Variants in KIF15 observed in about 807,000 individuals in gnomAD.
KIF15 encodes kinesin-like protein KIF15.
In KIF15, 140 loss-of-function variants were observed where a neutral mutation model predicts 190.6. That is an observed-to-expected ratio of 0.73 (90% CI 0.64 to 0.84). The LOEUF (loss-of-function observed/expected upper bound fraction) is 0.84, where lower values mean the gene tolerates loss of function less well. Among genes scored for constraint, KIF15 ranks in the 40% least tolerant of loss-of-function variants. The pLI, the probability that KIF15 is intolerant of heterozygous loss-of-function variation, is 0.00. For missense variants in KIF15, 1,372 were observed against 1,584.4 expected (o/e 0.87, Z 2.28); for synonymous variants, 528 against 551.3 (o/e 0.96, Z 0.59).
intron 8 of KIF15, among the ~76,000 whole-genome samples, chr3:44,794,743 C>T (rs1184989830): frequency 4.6e-5 from 7 of 152,144 alleles, no homozygotes; most frequent in African/African-American, 1.4e-4. Context: ...AGGTAGATCA[C>T]GAGGTCAGGA....
At position 44,815,074 on chromosome 3, in the gene KIF15, C is replaced by A; in HGVS notation, c.2547C>A (p.Leu849=). 1 of 1,576,622 alleles carries A rather than the reference C, an allele frequency of 6.3e-7. No homozygotes were observed. The highest frequency in any genetic ancestry group is 1.2e-5 in the South Asian group (1 of 84,274). Residue 849 remains leucine, a splice_region_variant and synonymous_variant, in exon 20 of 35, where the codon CTC becomes CTA. Transcript: ENST00000326047. ...HMHVQLQLDN[L]RLENEKLLES... The stretch of plus-strand genomic sequence containing the variant: ...ATGTACAGCTTCAATTAGATAATCT[C>A]AGGTAGAGTTGTTCTTTTATGGTTT...
chr3:44,805,065 T>G lies in KIF15; in HGVS notation c.1726T>G (p.Cys576Gly), dbSNP rs1400903388. The change falls in exon 15 of 35, where the codon TGT becomes GGT. Residue 576 changes from cysteine to glycine, a missense_variant. Coordinates refer to ENST00000326047, the MANE Select transcript of KIF15 (RefSeq NM_020242.3). Reference protein sequence around the residue: ...GFSPKAQKEPCLFANTEKLKA... With the variant: ...GFSPKAQKEPGLFANTEKLKA... ...TTCACCTAAAGCTCAGAAAGAGCCA[T>G]GTTTGTTTGCAAACACTGAGAAGTT... is the stretch of plus-strand genomic sequence containing the variant. 5 of 1,613,590 alleles carry G rather than the reference T, an allele frequency of 3.1e-6. No individual in the cohort carries two copies. Among genetic ancestry groups the G allele is most frequent in the Non-Finnish European group, 1.7e-6 (2 of 1,179,890 alleles).
chr3:44,846,672 G>A (rs761366594), intron 30 of KIF15, among the ~76,000 whole-genome samples: 1 of 151,608 alleles, frequency 6.6e-6, no homozygotes, highest in Non-Finnish European at 1.5e-5. Context: ...TACTCAGGAG[G>A]CTGAGGCAGG....
chr3:44,840,961 A>C (rs1575678660), intron 28 of KIF15, 113 bp from the exon 29 acceptor site: 1 of 1,040,560 alleles, frequency 9.6e-7, no homozygotes, highest in Non-Finnish European at 1.4e-6. Context: ...GGTGTGAGCC[A>C]CCATGCCCAG....
At chr3:44,861,309 C>G (rs1699241473) in intron 6 of KIF15, among the ~76,000 whole-genome samples, 1 of 152,228 alleles carries the variant, frequency 6.6e-6, no homozygotes, top group African/African-American at 2.4e-5. Flanking sequence ...TCTAAACATA[C>G]GTAAGTATAA....
chr3:44,768,732 G>T (rs900057148), intron 1 of KIF15, among the ~76,000 whole-genome samples: 1 of 151,910 alleles, frequency 6.6e-6, no homozygotes, highest in Non-Finnish European at 1.5e-5. Context: ...CTGCTGACAG[G>T]GGGTGCTGTG....
intron 6 of KIF15, among the ~76,000 whole-genome samples, chr3:44,860,309 C>G (rs1699226276): frequency 6.6e-6 from 1 of 152,136 alleles, no homozygotes; most frequent in Admixed American, 6.5e-5. Context: ...AGTGAGACCT[C>G]TGAGCCTCAA....
intron 26 of KIF15, among the ~76,000 whole-genome samples, chr3:44,831,424 A>G (rs888217473): frequency 7.2e-5 from 11 of 152,120 alleles, no homozygotes; most frequent in Admixed American, 1.3e-4. Flanking sequence ...ATTTTCCGTC[A>G]TTTTTGCTGA....
At chr3:44,789,642 TTATATATATATATATATATA>T (rs56009369) in intron 7 of KIF15, among the ~76,000 whole-genome samples, 9,873 of 113,548 alleles carry the variant, frequency 0.087, 652 homozygotes, top group South Asian at 0.12. Context: ...TTGTCTAATT[TTATATATATATATATATATA>T]TATATATATA....
chr3:44,851,930 A>G lies in KIF15; in HGVS notation c.3950A>G (p.Glu1317Gly). 1 of 1,613,694 alleles carries G rather than the reference A, an allele frequency of 6.2e-7. No homozygotes were observed. The highest frequency in any genetic ancestry group is 2.2e-5 in the East Asian group (1 of 44,872). ...QLRSKLEEMY[E>G]ERERTSQEME... ...AGATCAAAGCTGGAAGAAATGTATG[A>G]AGAAAGAGAGAGAACATCCCAGGTG... Residue 1317 changes from glutamate to glycine, a missense_variant, in exon 33 of 35, where the codon GAA becomes GGA. Coordinates refer to ENST00000326047, the MANE Select transcript of KIF15 (RefSeq NM_020242.3).
intron 6 of KIF15, chr3:44,864,479 G>C (rs928986151): frequency 5.0e-6 from 5 of 995,344 alleles, no homozygotes; most frequent in Non-Finnish European, 5.9e-6. Context: ...TTGACCCCTG[G>C]ATGAGTGCTC....
intron 8 of KIF15, among the ~76,000 whole-genome samples, chr3:44,796,597 C>T (rs1706994638): frequency 1.3e-5 from 2 of 152,196 alleles, no homozygotes; most frequent in Non-Finnish European, 2.9e-5. Flanking sequence ...ATGATAACAG[C>T]AGTGACTCTG....
Position 44,827,537 on chromosome 3 carries a change from C to T in KIF15, c.2856+9C>T, listed in dbSNP as rs546086879. On this transcript the variant is annotated intron_variant, in intron 23 of 34. Coordinates refer to ENST00000326047, the MANE Select transcript of KIF15 (RefSeq NM_020242.3). ...CCAAGTGTGAGCAGCAGGTAAAATT[C>T]CTGTTACTCTAACTCTAGTATTTGA... The T allele has an allele frequency of 1.2e-5, 19 of 1,563,548 alleles. No homozygotes were observed. In the African/African-American group the frequency reaches 2.4e-4, roughly 20 times the overall value.
intron 32 of KIF15, among the ~76,000 whole-genome samples, chr3:44,848,983 T>A (rs1313313768): frequency 1.3e-5 from 2 of 152,212 alleles, no homozygotes; most frequent in African/African-American, 4.8e-5. Flanking sequence ...TTTAATTTAT[T>A]CATAAAGTTT....
Position 44,800,386 on chromosome 3 carries a change from C to G in KIF15, c.1171C>G (p.Leu391Val). ...QAEVKRLKEQLAELASGQTPP... is the reference protein window; with the variant it reads ...QAEVKRLKEQVAELASGQTPP... ...TGAAGTGAAGAGGCTCAAAGAACAA[C>G]TGGCGGAGCTTGCTTCAGGACAGAC... is the stretch of plus-strand genomic sequence containing the variant. The change falls in exon 11 of 35, where the codon CTG becomes GTG. Residue 391 changes from leucine (L) to valine (V), a missense_variant. Physicochemically the swap from Leu to Val is conservative, Grantham distance 32. Coordinates refer to ENST00000326047, the MANE Select transcript of KIF15 (RefSeq NM_020242.3). 6.2e-7 allele frequency: 1 copy of G among 1,614,174 alleles called. No homozygotes were observed. Among genetic ancestry groups the G allele is most frequent in the South Asian group, 1.1e-5 (1 of 91,086 alleles).
At chr3:44,793,360 T>A (rs1706813058) in intron 7 of KIF15, among the ~76,000 whole-genome samples, 1 of 152,220 alleles carries the variant, frequency 6.6e-6, no homozygotes, top group Admixed American at 6.5e-5. Flanking sequence ...AACTTTGGGC[T>A]TAAAGATAAT....
chr3:44,858,696 A>G (rs1699211484), intron 6 of KIF15, among the ~76,000 whole-genome samples: 2 of 152,246 alleles, frequency 1.3e-5, no homozygotes, highest in African/African-American at 4.8e-5. Flanking sequence ...GGAGTGCATT[A>G]AAGAACGTTG....
At chr3:44,827,875 G>A (rs1697758261) in intron 23 of KIF15, among the ~76,000 whole-genome samples, 1 of 151,866 alleles carries the variant, frequency 6.6e-6, no homozygotes, top group African/African-American at 2.4e-5. Flanking sequence ...ATAGAGATGG[G>A]GTTTCACCAT....
intron 20 of KIF15, among the ~76,000 whole-genome samples, chr3:44,821,214 C>T (rs1332777790): frequency 4.1e-5 from 6 of 147,358 alleles, no homozygotes; most frequent in Middle Eastern, 3.7e-3. Context: ...TGGGCAGAGG[C>T]GCCCCTCACC....
Sources: allele counts gnomAD v4.1 joint callset (sites outside exome capture counted in the v4.1 genomes callset), GRCh38; gene constraint gnomAD v4.1.1; transcripts MANE v1.5; gene names NCBI Gene and HGNC (gene_info 2026-07-23, HGNC 2026-07-21).